Variants in FBLN7 observed in about 807,000 individuals in gnomAD.
FBLN7 encodes the protein fibulin-7.
Under a neutral mutation model 44.0 loss-of-function variants are expected in FBLN7, and 31 were observed. The ratio of observed to expected loss-of-function variants is 0.70; its 90% CI spans 0.53 to 0.95. The LOEUF is 0.95. Ranked by LOEUF, FBLN7 falls within the 40% of genes least tolerant of loss-of-function variation. The pLI, the probability that FBLN7 is intolerant of heterozygous loss-of-function variation, is 0.00. For missense variants in FBLN7, 573 were observed against 618.5 expected, an observed-to-expected ratio of 0.93 and a Z score of 0.78; for synonymous variants, 262 against 253.4, an observed-to-expected ratio of 1.03 and a Z score of -0.32.
the FBLN7 span, among the ~76,000 whole-genome samples, chr2:112,224,837 AGTAAAGT>A: frequency 6.6e-6 from 1 of 152,226 alleles, no homozygotes; most frequent in Admixed American, 6.5e-5. Flanking sequence ...AATGAATTGT[AGTAAAGT>A]GTCACAGGGA....
chr2:112,212,369 GT>G, the FBLN7 span: 2 of 152,194 alleles, frequency 1.3e-5, no homozygotes, highest in Admixed American at 6.5e-5. Flanking sequence ...CCTTAAACCT[GT>G]TTCTTAATGT....
At chr2:112,222,863 T>C in the FBLN7 span, among the ~76,000 whole-genome samples, 1 of 152,210 alleles carries the variant, frequency 6.6e-6, no homozygotes, top group African/African-American at 2.4e-5. Flanking sequence ...GTGGTAATGG[T>C]TTCAAAACTA....
At chr2:112,152,386 C>A (rs1016991411) in intron 1 of FBLN7, 2 of 152,202 alleles carry the variant, frequency 1.3e-5, no homozygotes, top group East Asian at 1.9e-4. Context: ...ACTGGAATTG[C>A]GCATGGAGTG....
At position 112,165,097 on chromosome 2, in the gene FBLN7, T is replaced by G. The variant is rs1349265635; in HGVS notation, c.332T>G (p.Phe111Cys). Residue 111 changes from phenylalanine to cysteine, a missense_variant, in exon 3 of 8, where the codon TTC (phenylalanine) becomes TGC (cysteine). By Grantham distance (205) the Phe-to-Cys change is radical. Coordinates refer to ENST00000331203, the MANE Select transcript of FBLN7 (RefSeq NM_153214.3). ...GTCCATTTTACCTGCAACCCTGGGT[T>G]CCGGCTGGTCGGGCCCAGCAGCGTG... Reference protein sequence around the residue: ...HEVHFTCNPGFRLVGPSSVVC... With the variant: ...HEVHFTCNPGCRLVGPSSVVC... 3.7e-6 allele frequency: 6 copies of G among 1,614,070 alleles called. No homozygotes were observed. The highest frequency in any genetic ancestry group is 4.2e-6 in the Non-Finnish European group (5 of 1,180,058).
intron 1 of FBLN7, among the ~76,000 whole-genome samples, chr2:112,156,921 GGTGGTT>G (rs1423166624): frequency 6.6e-6 from 1 of 152,110 alleles, no homozygotes. Context: ...CGGTGGTGGT[GGTGGTT>G]GTGGTTGTGG....
chr2:112,224,625 C>T, the FBLN7 span, among the ~76,000 whole-genome samples: 1 of 152,090 alleles, frequency 6.6e-6, no homozygotes, highest in African/African-American at 2.4e-5. Flanking sequence ...TATATCCATA[C>T]AAAAGAACAC....
At chr2:112,238,380 T>G in the FBLN7 span, 1 of 1,613,760 alleles carries the variant, frequency 6.2e-7, no homozygotes. Flanking sequence ...ATTTGCCATT[T>G]CTCTGGCTTG....
intron 4 of FBLN7, among the ~76,000 whole-genome samples, chr2:112,180,273 C>A (rs574366686): frequency 6.6e-6 from 1 of 152,184 alleles, no homozygotes; most frequent in African/African-American, 2.4e-5. Flanking sequence ...AAATGCAAAT[C>A]AAAACTATCT....
chr2:112,180,878 G>A (rs1193637782), intron 4 of FBLN7, among the ~76,000 whole-genome samples: 3 of 130,124 alleles, frequency 2.3e-5, no homozygotes, highest in Admixed American at 9.3e-5. Flanking sequence ...AGCGGAGATC[G>A]TGCCACTGCA....
At chr2:112,178,388 A>C (rs1682832918) in intron 4 of FBLN7, among the ~76,000 whole-genome samples, 1 of 152,148 alleles carries the variant, frequency 6.6e-6, no homozygotes, top group African/African-American at 2.4e-5. Flanking sequence ...AAAGCCCAGG[A>C]CCTGACGGAT....
chr2:112,141,204 C>T (rs1444443887), intron 1 of FBLN7, among the ~76,000 whole-genome samples: 1 of 152,194 alleles, frequency 6.6e-6, no homozygotes, highest in Non-Finnish European at 1.5e-5. Context: ...CCCGGAGCTA[C>T]CCTGTGAAGT....
At chr2:112,185,394 C>T (rs914264098) in intron 7 of FBLN7, 55 bp downstream of exon 7, 28 of 1,584,670 alleles carry the variant, frequency 1.8e-5, no homozygotes, top group Admixed American at 3.4e-5. Context: ...TGTGGCTGGG[C>T]TGGATGCTTC....
At chr2:112,231,422 A>C in the FBLN7 span, among the ~76,000 whole-genome samples, 4 of 152,220 alleles carry the variant, frequency 2.6e-5, no homozygotes, top group Admixed American at 2.6e-4. Context: ...AGACTGAAAG[A>C]ATATCTGAAG....
intron 1 of FBLN7, chr2:112,152,532 T>C (rs1394918039): frequency 6.6e-6 from 1 of 152,208 alleles, no homozygotes; most frequent in Non-Finnish European, 1.5e-5. Context: ...AGTTAAGACA[T>C]GGTTTCCAGA....
At chr2:112,160,714 AAGCACG>A (rs1558879757) in intron 2 of FBLN7, among the ~76,000 whole-genome samples, 1 of 80,692 alleles carries the variant, frequency 1.2e-5, no homozygotes, top group Non-Finnish European at 2.8e-5. Context: ...GCACACACAC[AAGCACG>A]CGCACACGCA....
the FBLN7 span, among the ~76,000 whole-genome samples, chr2:112,206,733 G>GTTTTTTTTTTTTTTT: frequency 4.1e-5 from 5 of 123,014 alleles, no homozygotes; most frequent in South Asian, 5.5e-4. Context: ...CTTATTGACT[G>GTTTTTTTTTTTTTTT]TTTTTTTTTT....
chr2:112,185,130 C>CTA (rs1363397150), intron 6 of FBLN7, 71 bp from the exon 7 acceptor site: 2 of 1,559,464 alleles, frequency 1.3e-6, no homozygotes, highest in East Asian at 4.6e-5. Flanking sequence ...TGCAGGGCCT[C>CTA]TCATGTGGTT....
chr2:112,173,980 A>T (rs1682606702), intron 3 of FBLN7, among the ~76,000 whole-genome samples: 1 of 152,254 alleles, frequency 6.6e-6, no homozygotes, highest in Admixed American at 6.5e-5. Flanking sequence ...ATGATCCCCA[A>T]CACCCATCCA....
chr2:112,202,145 A>C, the FBLN7 span, among the ~76,000 whole-genome samples: 1 of 152,148 alleles, frequency 6.6e-6, no homozygotes, highest in African/African-American at 2.4e-5. Context: ...GTAGTTTAAA[A>C]ATTTGGAGCA....
Sources: gnomAD v4.1 joint callset for allele counts (sites outside exome capture counted in the v4.1 genomes callset) on GRCh38, gnomAD v4.1.1 for gene constraint, MANE v1.5 for transcripts, NCBI Gene and HGNC (gene_info 2026-07-23, HGNC 2026-07-21) for gene names.